ROBO2: variants seen among roughly 807,000 people sequenced by gnomAD.
ROBO2 encodes roundabout guidance receptor 2.
In ROBO2, 53 loss-of-function variants were observed where a neutral mutation model predicts 160.8. The observed-to-expected ratio is 0.33, with a 90% confidence interval of 0.26 to 0.41. The LOEUF (loss-of-function observed/expected upper bound fraction) is 0.41. Ranked by LOEUF, ROBO2 falls within the 10% of genes least tolerant of loss-of-function variation. The pLI is 1.00. For missense variants in ROBO2, 1,577 were observed against 1,722.4 expected (o/e 0.92, Z 1.49); for synonymous variants, 664 against 611.7 (o/e 1.09, Z -1.26).
chr3:76,496,156 A>G (rs939144858), intron 2 of ROBO2, among the ~76,000 whole-genome samples: 2 of 152,254 alleles, frequency 1.3e-5, no homozygotes, highest in Admixed American at 6.5e-5. Context: ...AGATTCATCT[A>G]TAAAACATGT....
At chr3:76,257,219 CA>C (rs1273574685) in intron 2 of ROBO2, among the ~76,000 whole-genome samples, 28 of 152,060 alleles carry the variant, frequency 1.8e-4, no homozygotes, top group African/African-American at 5.1e-4. Context: ...GTTTGTTAAC[CA>C]AAATATGCAA....
chr3:77,065,992 T>G (rs2066801077), intron 1 of ROBO2, among the ~76,000 whole-genome samples: 1 of 152,154 alleles, frequency 6.6e-6, no homozygotes, highest in Admixed American at 6.6e-5. Flanking sequence ...AGCTATTTCT[T>G]ACTACAAAGG....
At chr3:76,291,453 A>T (rs1464570421) in intron 2 of ROBO2, among the ~76,000 whole-genome samples, 1 of 151,780 alleles carries the variant, frequency 6.6e-6, no homozygotes, top group Non-Finnish European at 1.5e-5. Flanking sequence ...TTTATCAATC[A>T]TATGTATTCT....
chr3:77,539,108 C>T (rs1008675503), intron 6 of ROBO2, among the ~76,000 whole-genome samples: 1 of 151,990 alleles, frequency 6.6e-6, no homozygotes, highest in Admixed American at 6.6e-5. Flanking sequence ...TTAGTGGAGA[C>T]GAGGTTTCAC....
chr3:77,341,416 T>C (rs2067045175), intron 2 of ROBO2, among the ~76,000 whole-genome samples: 1 of 152,176 alleles, frequency 6.6e-6, no homozygotes, highest in African/African-American at 2.4e-5. Flanking sequence ...TTTTACATAG[T>C]TATATTTCTC....
rs545138226 is a variant in ROBO2 at position 77,077,494 on chromosome 3, G to A, written c.62-20520G>A. Among the ~76,000 whole-genome samples the A allele has an allele frequency of 3.3e-5, 5 of 152,198 alleles. No individual in the cohort carries two copies. The South Asian group carries it at 6.2e-4, about 19-fold the overall frequency. On this transcript the variant is annotated intron_variant, in intron 1 of 25. Coordinates refer to ENST00000461745, the Ensembl canonical transcript of ROBO2. ...TCTGAGTTATTGTATACAAGTGACC[G>A]GCAAGCCTTGTCAATTCTAGCTTCA...
At chr3:76,954,658 T>A (rs2079141641) in intron 2 of ROBO2, among the ~76,000 whole-genome samples, 1 of 152,162 alleles carries the variant, frequency 6.6e-6, no homozygotes, top group African/African-American at 2.4e-5. Flanking sequence ...ATAAGCTAAC[T>A]AAAGAATGTC....
At chr3:77,606,423 C>T (rs1027057536) in intron 20 of ROBO2, among the ~76,000 whole-genome samples, 1 of 152,138 alleles carries the variant, frequency 6.6e-6, no homozygotes, top group African/African-American at 2.4e-5. Context: ...AGATACGAAA[C>T]TCTTGTCCTC....
chr3:77,222,083 C>T (rs1269416604), intron 2 of ROBO2, among the ~76,000 whole-genome samples: 1 of 151,954 alleles, frequency 6.6e-6, no homozygotes, highest in Admixed American at 6.6e-5. Context: ...GATCTCTTGA[C>T]CTTGTGATCC....
intron 5 of ROBO2, among the ~76,000 whole-genome samples, chr3:77,512,315 A>C (rs2089493221): frequency 6.6e-6 from 1 of 151,978 alleles, no homozygotes; most frequent in South Asian, 2.1e-4. Context: ...TTGTGAATGG[A>C]GAGAGCATTT....
chr3:77,438,468 C>A (rs2079553588), intron 2 of ROBO2, among the ~76,000 whole-genome samples: 2 of 150,592 alleles, frequency 1.3e-5, no homozygotes, highest in East Asian at 2.0e-4. Context: ...AGCAGGTTTG[C>A]CAGAACACTT....
At chr3:77,416,253 T>C (rs967557898) in intron 2 of ROBO2, among the ~76,000 whole-genome samples, 1 of 152,186 alleles carries the variant, frequency 6.6e-6, no homozygotes, top group African/African-American at 2.4e-5. Flanking sequence ...TGCATGCTGA[T>C]TGGTCCATGG....
At chr3:77,277,157 C>CTTCTTTCCTTCT (rs1553882840) in intron 2 of ROBO2, among the ~76,000 whole-genome samples, 3,079 of 87,886 alleles carry the variant, frequency 0.035, 89 homozygotes, top group Non-Finnish European at 0.045. Flanking sequence ...TCCTTCTTTC[C>CTTCTTTCCTTCT]TTCTTTCTTT....
At chr3:76,289,855 T>C (rs934194026) in intron 2 of ROBO2, among the ~76,000 whole-genome samples, 1 of 152,228 alleles carries the variant, frequency 6.6e-6, no homozygotes, top group Non-Finnish European at 1.5e-5. Flanking sequence ...TCAATGTGTC[T>C]ATTTTTGTAT....
chr3:76,991,099 G>A (rs750471672), intron 2 of ROBO2, among the ~76,000 whole-genome samples: 19 of 152,134 alleles, frequency 1.2e-4, no homozygotes, highest in Non-Finnish European at 2.5e-4. Flanking sequence ...CATTCTGGCT[G>A]TAAAGCTTTT....
chr3:76,850,348 G>T (rs1026170213), intron 2 of ROBO2, among the ~76,000 whole-genome samples: 1 of 151,926 alleles, frequency 6.6e-6, no homozygotes, highest in Non-Finnish European at 1.5e-5. Flanking sequence ...TTAACCCTGC[G>T]CTGAGTACTT....
intron 2 of ROBO2, among the ~76,000 whole-genome samples, chr3:76,992,450 T>C (rs1258452520): frequency 6.6e-6 from 1 of 150,500 alleles, no homozygotes; most frequent in Non-Finnish European, 1.5e-5. Context: ...CAGTTACCAT[T>C]ACTGAAATAC....
intron 2 of ROBO2, chr3:76,435,102 A>G: frequency 1.0e-6 from 1 of 986,462 alleles, no homozygotes; most frequent in East Asian, 2.4e-5. Flanking sequence ...GGGCAAAATG[A>G]ACTCCATTAC....
intron 2 of ROBO2, among the ~76,000 whole-genome samples, chr3:75,997,744 T>C (rs667672): frequency 0.77 from 117,313 of 151,918 alleles, 46,491 homozygotes; most frequent in East Asian, 0.97. Flanking sequence ...CTGCCCACCT[T>C]GGCCTCCCAA....
Sources: gnomAD v4.1 joint callset for allele counts (sites outside exome capture counted in the v4.1 genomes callset) on GRCh38, gnomAD v4.1.1 for gene constraint, MANE v1.5 for transcripts, NCBI Gene and HGNC (gene_info 2026-07-23, HGNC 2026-07-21) for gene names.